HERC4: variants seen among roughly 807,000 people sequenced by gnomAD.
The protein encoded by HERC4 is probable E3 ubiquitin-protein ligase HERC4.
HERC4 carries 28 observed loss-of-function variants against 124.3 expected under a neutral mutation model. The observed-to-expected ratio is 0.23, with a 90% CI of 0.17 to 0.31. The LOEUF (loss-of-function observed/expected upper bound fraction) is 0.31, where lower values mean the gene tolerates loss of function less well. HERC4 is among the 10% of genes least tolerant of loss of function. The pLI is 1.00. For synonymous variants in HERC4, 407 were observed against 421.5 expected, an observed-to-expected ratio of 0.97 and a Z score of 0.42; for missense variants, 713 against 1,229.3, an observed-to-expected ratio of 0.58 and a Z score of 6.28.
intron 11 of HERC4, among the ~76,000 whole-genome samples, chr10:67,991,885 C>T (rs1039468885): frequency 6.6e-6 from 1 of 152,030 alleles, no homozygotes; most frequent in African/African-American, 2.4e-5. Flanking sequence ...TAATTAAGAT[C>T]TTTAAAAATA....
intron 3 of HERC4, among the ~76,000 whole-genome samples, chr10:68,056,597 T>C (rs1000070371): frequency 1.4e-4 from 21 of 152,176 alleles, no homozygotes; most frequent in African/African-American, 4.3e-4. Flanking sequence ...ATGGAGATGG[T>C]ACTTTAGCTG....
chr10:67,960,340 G>A (rs1406769148), intron 16 of HERC4, among the ~76,000 whole-genome samples: 1 of 152,110 alleles, frequency 6.6e-6, no homozygotes, highest in African/African-American at 2.4e-5. Flanking sequence ...TCCCTTGGCT[G>A]ATTTTTGTTC....
At chr10:67,929,341 CTT>C (rs1400411464) in intron 23 of HERC4, among the ~76,000 whole-genome samples, 1 of 152,182 alleles carries the variant, frequency 6.6e-6, no homozygotes, top group African/African-American at 2.4e-5. Context: ...TTAGATGCCT[CTT>C]GTGCTACCTC....
chr10:67,926,622 T>G (rs1442799004), intron 23 of HERC4, among the ~76,000 whole-genome samples: 1 of 152,142 alleles, frequency 6.6e-6, no homozygotes, highest in East Asian at 1.9e-4. Context: ...ATCAGGCTAA[T>G]TTTTACCCTT....
chr10:68,049,892 T>C (rs1429602404), intron 3 of HERC4, among the ~76,000 whole-genome samples: 2 of 151,856 alleles, frequency 1.3e-5, no homozygotes, highest in Middle Eastern at 3.2e-3. Context: ...GCCTGGGAGA[T>C]AGTAAGACGG....
Position 68,044,461 on chromosome 10 carries a change from A to G in HERC4, c.329T>C (p.Leu110Pro). 1 of 1,614,130 alleles carries G rather than the reference A, an allele frequency of 6.2e-7. No individual in the cohort carries two copies. The highest frequency in any genetic ancestry group is 8.5e-7 in the Non-Finnish European group (1 of 1,180,016). Reference sequence around the variant, plus strand: ...CAGGCCAAGCTGTCCATCAGAATCGAGACCCCAAGCATACACCTGGCCTTT... The same window carrying G: ...CAGGCCAAGCTGTCCATCAGAATCGGGACCCCAAGCATACACCTGGCCTTT... ...NDKGQVYAWG[L>P]DSDGQLGLVG... Residue 110 changes from leucine (L) to proline (P), a missense_variant, in exon 4 of 25, where the codon CTC becomes CCC. Coordinates refer to ENST00000373700, the MANE Select transcript of HERC4 (RefSeq NM_015601.4).
At chr10:67,972,211 T>C (rs1317093518) in intron 15 of HERC4, among the ~76,000 whole-genome samples, 3 of 119,108 alleles carry the variant, frequency 2.5e-5, no homozygotes, top group African/African-American at 3.4e-5. Context: ...TGAAGCTCTG[T>C]CTCAAAGGAA....
chr10:68,033,944 C>CTA (rs780637392), intron 6 of HERC4, 21 bp downstream of exon 6: 1 of 1,595,012 alleles, frequency 6.3e-7, no homozygotes, highest in Non-Finnish European at 8.6e-7. Flanking sequence ...TACACTTAAA[C>CTA]TATACATAAT....
At chr10:67,938,632 T>C (rs2032593806) in intron 21 of HERC4, among the ~76,000 whole-genome samples, 1 of 151,924 alleles carries the variant, frequency 6.6e-6, no homozygotes, top group Admixed American at 6.6e-5. Context: ...TGGCTTTGCA[T>C]GTGACTGGAT....
rs1006623559 is a variant in HERC4, at chr10:67,925,101, C to T, written c.2925G>A (p.Lys975=). 3.8e-6 allele frequency: 6 copies of T among 1,583,252 alleles called. No homozygotes were observed. The highest frequency in any genetic ancestry group is 5.2e-6 in the Non-Finnish European group (6 of 1,152,366). The part of the protein sequence containing the change: ...WEVFHELPLE[K]KKQFLLFLTG... Reference sequence around the variant, plus strand: ...AATACTTACACAGAAACTGTTTCTTCTTTTCCAATGGTAATTCGTGAAATA... The same window carrying T: ...AATACTTACACAGAAACTGTTTCTTTTTTTCCAATGGTAATTCGTGAAATA... The change falls in exon 24 of 25, where the codon AAG becomes AAA. Residue 975 remains lysine (K), a synonymous_variant. Transcript: ENST00000373700.
At chr10:68,025,418 T>C (rs769290488) in intron 8 of HERC4, 128 bp downstream of exon 8, 22 of 1,007,348 alleles carry the variant, frequency 2.2e-5, no homozygotes, top group Non-Finnish European at 2.7e-5. Flanking sequence ...GACTCCTCAG[T>C]GGCAAAATAG....
At chr10:67,952,791 T>A (rs2132280347) in intron 19 of HERC4, among the ~76,000 whole-genome samples, 1 of 151,356 alleles carries the variant, frequency 6.6e-6, no homozygotes, top group Non-Finnish European at 1.5e-5. Flanking sequence ...TCCCAGCTAC[T>A]CGGGAGGCTG....
rs1433093885 is a variant in HERC4, at chr10:68,059,591, ATT to A, written c.226+13290_226+13291del. Among the ~76,000 whole-genome samples, 7 of 100,394 alleles carry A rather than the reference ATT, an allele frequency of 7.0e-5. 1 individual carries two copies. The highest frequency in any genetic ancestry group is 3.0e-4 in the African/African-American group (7 of 23,306). The allele number at this position is 100,394 out of a possible 152,430, so 65.9% of individuals were successfully genotyped here. A position where few individuals can be genotyped will look rare whatever the true frequency, so the allele number is the denominator to read the frequency against. On this transcript the variant is annotated intron_variant, in intron 3 of 24. Coordinates refer to ENST00000373700, the MANE Select transcript of HERC4 (RefSeq NM_015601.4). The stretch of plus-strand genomic sequence containing the variant: ...TATTATATATCATATTATATATCAT[ATT>A]ATATATCATAATATTATATATCATA...
rs577768036 is a variant in HERC4 at position 68,009,327 on chromosome 10, C to T, written c.1069+4699G>A. ...GAGATGAGAGTTAATGTGGCCCCAG[C>T]TGGTCCCAAACTCCTGGCCTCAAGT... On this transcript the variant is annotated intron_variant, in intron 9 of 24. Transcript: ENST00000373700. Among the ~76,000 whole-genome samples the T allele has an allele frequency of 2.6e-3, 392 of 151,936 alleles. 1 individual carries two copies. Among genetic ancestry groups the T allele is most frequent in the African/African-American group, 9.1e-3 (379 of 41,432 alleles).
intron 15 of HERC4, among the ~76,000 whole-genome samples, chr10:67,969,432 C>T (rs556911500): frequency 9.1e-4 from 139 of 152,152 alleles, no homozygotes; most frequent in Non-Finnish European, 1.1e-3. Flanking sequence ...ATAGATGCCA[C>T]TGGGTGCCCA....
intron 7 of HERC4, among the ~76,000 whole-genome samples, chr10:68,030,245 C>T (rs1047259885): frequency 2.0e-5 from 3 of 151,494 alleles, no homozygotes; most frequent in Admixed American, 2.0e-4. Context: ...TTCAAGACCA[C>T]CCTGGCCAAC....
chr10:67,938,271 T>G (rs935573230), intron 21 of HERC4, among the ~76,000 whole-genome samples: 10 of 151,464 alleles, frequency 6.6e-5, no homozygotes, highest in African/African-American at 2.4e-4. Context: ...TGAAACCTCA[T>G]CTCTACTAAA....
At chr10:68,055,855 G>A (rs187324721) in intron 3 of HERC4, among the ~76,000 whole-genome samples, 64 of 151,560 alleles carry the variant, frequency 4.2e-4, no homozygotes, top group Admixed American at 3.3e-3. Context: ...GGGTTCAAGC[G>A]ATTCTCCTGC....
intron 16 of HERC4, among the ~76,000 whole-genome samples, chr10:67,963,635 T>C (rs984658932): frequency 9.9e-5 from 15 of 152,236 alleles, no homozygotes; most frequent in Non-Finnish European, 2.1e-4. Context: ...AACACTGGGC[T>C]TCTTAAGAAA....
Sources: gnomAD v4.1 joint callset for allele counts (sites outside exome capture counted in the v4.1 genomes callset) on GRCh38, gnomAD v4.1.1 for gene constraint, MANE v1.5 for transcripts, NCBI Gene and HGNC (gene_info 2026-07-23, HGNC 2026-07-21) for gene names.